Variants in SPDYE5 observed in about 807,000 individuals in gnomAD.
SPDYE5 encodes the protein speedy/RINGO cell cycle regulator family member E5, also known as speedy protein E5.
In SPDYE5, 15 loss-of-function variants were observed where a neutral mutation model predicts 48.5. The ratio of observed to expected loss-of-function variants is 0.31; its 90% CI spans 0.21 to 0.48. The LOEUF is 0.48. Ranked by LOEUF, SPDYE5 falls within the 20% of genes least tolerant of loss-of-function variation. The probability of loss-of-function intolerance (pLI) is 0.99; values close to 1 mark genes in which losing one functional copy is unlikely to be tolerated. For synonymous variants in SPDYE5, 116 were observed against 200.7 expected, an observed-to-expected ratio of 0.58 and a Z score of 3.57; for missense variants, 331 against 549.1, an observed-to-expected ratio of 0.60 and a Z score of 3.97.
At chr7:75,499,626 G>A (rs1477469140) in intron 6 of SPDYE5, among the ~76,000 whole-genome samples, 1 of 151,774 alleles carries the variant, frequency 6.6e-6, no homozygotes, top group East Asian at 1.9e-4. Flanking sequence ...AATTAGCTGG[G>A]CGTGGTGGTG....
In SPDYE5 at chr7:75,503,263, A is replaced by T. The variant is rs1279078339; in HGVS notation, c.*476A>T. 6.6e-6 allele frequency: 2 copies of T among 303,416 alleles called. No homozygotes were observed. The highest frequency in any genetic ancestry group is 4.5e-5 in the African/African-American group (2 of 44,004). The allele number at this position is 303,416 out of a possible 1,614,324, so 18.8% of individuals were successfully genotyped here. A position where few individuals can be genotyped will look rare whatever the true frequency, so the allele number is the denominator to read the frequency against. On this transcript the variant is annotated 3_prime_UTR_variant, in exon 9 of 9. Transcript: ENST00000625065. ...ATCAGTGCCACAGATTGTAACAGAT[A>T]GCTTCATGCACACTCTGCATTTTAT... is the stretch of plus-strand genomic sequence containing the variant.
intron 6 of SPDYE5, among the ~76,000 whole-genome samples, chr7:75,499,748 C>A (rs1584741321): frequency 9.6e-6 from 1 of 104,166 alleles, no homozygotes; most frequent in East Asian, 3.0e-4. Context: ...GCCTGGGTGA[C>A]AGAGTGAGAC....
In SPDYE5 at chr7:75,504,206, T is replaced by A. The variant is rs1462761736; in HGVS notation, c.*1419T>A. ...TGTTTGTATGTTACTTTAAAGAGGA[T>A]GTGTGTTCTAAAGGAGGACATGAGC... On this transcript the variant is annotated 3_prime_UTR_variant, in exon 9 of 9. Transcript: ENST00000625065. The A allele has an allele frequency of 2.6e-5, 4 of 152,106 alleles. No individual in the cohort carries two copies. Among genetic ancestry groups the A allele is most frequent in the African/African-American group, 9.7e-5 (4 of 41,416 alleles). 9.4% of individuals were successfully genotyped at this position (152,106 alleles called of 1,614,324 possible). A position where few individuals can be genotyped will look rare whatever the true frequency, so the allele number is the denominator to read the frequency against.
intron 3 of SPDYE5, among the ~76,000 whole-genome samples, chr7:75,495,680 G>A (rs1192580801): frequency 6.6e-6 from 1 of 152,158 alleles, no homozygotes; most frequent in East Asian, 1.9e-4. Flanking sequence ...GGACTTTGAG[G>A]CTGCAGTGAG....
At chr7:75,494,950 A>T (rs1228606743) in intron 2 of SPDYE5, 1 of 1,446,964 alleles carries the variant, frequency 6.9e-7, no homozygotes, top group African/African-American at 1.4e-5. Context: ...GACATGAAGC[A>T]GTGTTCGGAG....
At chr7:75,497,201 C>CT (rs1198606275) in intron 4 of SPDYE5, among the ~76,000 whole-genome samples, 1 of 151,948 alleles carries the variant, frequency 6.6e-6, no homozygotes, top group Non-Finnish European at 1.5e-5. Context: ...GAACTCAGGA[C>CT]TTTGAGGCTG....
chr7:75,499,523 T>A (rs1305036361), intron 6 of SPDYE5, among the ~76,000 whole-genome samples: 3 of 151,856 alleles, frequency 2.0e-5, no homozygotes, highest in Non-Finnish European at 4.4e-5. Context: ...TCCCAGCACT[T>A]TGGGAGGCCG....
rs587598238 is a variant in SPDYE5 at position 75,493,985 on chromosome 7, T to G, written c.-63T>G. 1,110 of 1,512,456 alleles carry G rather than the reference T, an allele frequency of 7.3e-4. 8 individuals are homozygous for G. The African/African-American group carries it at 0.014, about 20-fold the overall frequency. The allele number at this position is 1,512,456 out of a possible 1,614,324, so 93.7% of individuals were successfully genotyped here. On this transcript the variant is annotated 5_prime_UTR_variant, in exon 2 of 9. Transcript: ENST00000625065. ...TCAGAGCTGTTCTCCACTCCTGACTTCTCCTAGGCTTGAGAATTGATAACA... is the reference window on the plus strand; with the variant it reads ...TCAGAGCTGTTCTCCACTCCTGACTGCTCCTAGGCTTGAGAATTGATAACA...
At chr7:75,494,528 AAAAAG>A (rs1200068199) in intron 2 of SPDYE5, among the ~76,000 whole-genome samples, 3 of 150,098 alleles carry the variant, frequency 2.0e-5, no homozygotes, top group Non-Finnish European at 3.0e-5. Context: ...AAAAAAAAAA[AAAAAG>A]AAAAGAAAAG....
At chr7:75,492,719 A>G (rs587654958) in intron 1 of SPDYE5, among the ~76,000 whole-genome samples, 6,166 of 152,228 alleles carry the variant, frequency 0.041, 410 homozygotes, top group African/African-American at 0.14. Flanking sequence ...GATTACAGGC[A>G]TGAGCCACTG....
chr7:75,501,930 T>G lies in SPDYE5; in HGVS notation c.1202T>G (p.Leu401Arg). ...HWVWARDRAH[L>R]S ...GTGTGGGCGCGAGATCGCGCTCACCTTTCCTAGAGCTCCAGGGACCGTGGA... is the reference window on the plus strand; with the variant it reads ...GTGTGGGCGCGAGATCGCGCTCACCGTTCCTAGAGCTCCAGGGACCGTGGA... Residue 401 changes from leucine (L) to arginine (R), a missense_variant, in exon 8 of 9, where the codon CTT (leucine) becomes CGT (arginine). Transcript: ENST00000625065. The G allele has an allele frequency of 6.2e-7, 1 of 1,608,642 alleles. No homozygotes were observed.
intron 2 of SPDYE5, chr7:75,494,929 G>C (rs1268517100): frequency 6.9e-7 from 1 of 1,446,294 alleles, no homozygotes; most frequent in East Asian, 2.5e-5. Flanking sequence ...GAGAGCCAGA[G>C]ACCAGGGAAG....
intron 5 of SPDYE5, among the ~76,000 whole-genome samples, chr7:75,498,356 T>A (rs1425768567): frequency 2.0e-5 from 3 of 151,974 alleles, no homozygotes; most frequent in Non-Finnish European, 4.4e-5. Flanking sequence ...ACACCTGACC[T>A]CAGGCGATCC....
chr7:75,504,169 C>T lies in SPDYE5; in HGVS notation c.*1382C>T, dbSNP rs1793246195. Reference sequence around the variant, plus strand: ...TGAGAATTCAGGTGTAATTTTTTACCTTGTTTTGGCATGTTTGTATGTTAC... The same window carrying T: ...TGAGAATTCAGGTGTAATTTTTTACTTTGTTTTGGCATGTTTGTATGTTAC... On this transcript the variant is annotated 3_prime_UTR_variant, in exon 9 of 9. Coordinates refer to ENST00000625065, the MANE Select transcript of SPDYE5 (RefSeq NM_001306141.4). 1 of 151,614 alleles carries T rather than the reference C, an allele frequency of 6.6e-6. No individual in the cohort carries two copies. 9.4% of individuals were successfully genotyped at this position (151,614 alleles called of 1,614,324 possible). A position where few individuals can be genotyped will look rare whatever the true frequency, so the allele number is the denominator to read the frequency against.
intron 3 of SPDYE5, among the ~76,000 whole-genome samples, 196 bp downstream of exon 3, chr7:75,495,570 C>G (rs1584736836): frequency 6.6e-6 from 1 of 152,202 alleles, no homozygotes; most frequent in African/African-American, 2.4e-5. Flanking sequence ...TAAAGGTTGG[C>G]GCTTGGGATG....
Position 75,503,895 on chromosome 7 carries a change from G to C in SPDYE5, c.*1108G>C, listed in dbSNP as rs1793236294. On this transcript the variant is annotated 3_prime_UTR_variant, in exon 9 of 9. Transcript: ENST00000625065. The stretch of plus-strand genomic sequence containing the variant: ...AGATGCTGTTTCTATAAAGCTGTGT[G>C]ATGGGTGTTATAACTGTTATATACA... The C allele has an allele frequency of 6.6e-6, 1 of 151,472 alleles. No homozygotes were observed. Among genetic ancestry groups the C allele is most frequent in the African/African-American group, 2.4e-5 (1 of 41,278 alleles). 9.4% of individuals were successfully genotyped at this position (151,472 alleles called of 1,614,324 possible).
Position 75,502,838 on chromosome 7 carries a change from C to T in SPDYE5, c.*51C>T, listed in dbSNP as rs1318849126. The T allele has an allele frequency of 2.1e-5, 21 of 1,000,438 alleles. No individual in the cohort carries two copies. In the East Asian group the frequency reaches 5.4e-4, roughly 26 times the overall value. 62.0% of individuals were successfully genotyped at this position (1,000,438 alleles called of 1,614,324 possible). ...ATTGTCTCTCTCACTTCCAGAACAC[C>T]GGACCCAGGGGAGATGTGGATTTTC... On this transcript the variant is annotated 3_prime_UTR_variant, in exon 9 of 9. Transcript: ENST00000625065.
chr7:75,496,071 G>A (rs368745562), intron 3 of SPDYE5, among the ~76,000 whole-genome samples: 71 of 149,080 alleles, frequency 4.8e-4, no homozygotes, highest in Admixed American at 1.1e-3. Context: ...GAAGGAGCAC[G>A]TGAGGAGGGT....
intron 2 of SPDYE5, among the ~76,000 whole-genome samples, chr7:75,494,702 C>T (rs1792863063): frequency 6.6e-6 from 1 of 151,798 alleles, no homozygotes. Context: ...GCCTGGCCAA[C>T]ATGGTGAAAC....
Sources: allele counts gnomAD v4.1 joint callset (sites outside exome capture counted in the v4.1 genomes callset), GRCh38; gene constraint gnomAD v4.1.1; transcripts MANE v1.5; gene names NCBI Gene and HGNC (gene_info 2026-07-23, HGNC 2026-07-21).